Variants in CD69 observed in about 807,000 individuals in gnomAD.
The protein encoded by CD69 is CD69 molecule.
In CD69, 10 loss-of-function variants were observed where a neutral mutation model predicts 21.4. That is an observed-to-expected ratio of 0.47 (90% CI 0.29 to 0.79). The LOEUF (loss-of-function observed/expected upper bound fraction) is 0.79, where lower values mean the gene tolerates loss of function less well. CD69 is among the 30% of genes least tolerant of loss of function. CD69 has a pLI of 0.09. For missense variants in CD69, 204 were observed against 236.9 expected, an observed-to-expected ratio of 0.86 and a Z score of 0.91; for synonymous variants, 63 against 78.2, an observed-to-expected ratio of 0.81 and a Z score of 1.03.
chr12:9,756,427 G>A lies in CD69; in HGVS notation c.65-8C>T. ...GGGGACTGGTGGCATCATCTGGAAG[G>A]GAGAAAGTTGATGATGAGTTCAGGC... On this transcript the variant is annotated splice_region_variant and splice_polypyrimidine_tract_variant and intron_variant, in intron 1 of 4. Transcript: ENST00000228434. 1.2e-6 allele frequency: 2 copies of A among 1,611,556 alleles called. No homozygotes were observed. The highest frequency in any genetic ancestry group is 1.7e-6 in the Non-Finnish European group (2 of 1,178,508).
At chr12:9,755,020 A>G (rs758525843) in intron 3 of CD69, 42 bp downstream of exon 3, 20 of 1,493,378 alleles carry the variant, frequency 1.3e-5, no homozygotes, top group East Asian at 9.0e-5. Context: ...GATTAGCCAT[A>G]TGAATTAAAA....
Position 9,756,428 on chromosome 12 carries a change from G to C in CD69, c.65-9C>G, listed in dbSNP as rs1866680063. ...GGGACTGGTGGCATCATCTGGAAGG[G>C]AGAAAGTTGATGATGAGTTCAGGCA... is the stretch of plus-strand genomic sequence containing the variant. On this transcript the variant is annotated splice_polypyrimidine_tract_variant and intron_variant, in intron 1 of 4. Coordinates refer to ENST00000228434, the MANE Select transcript of CD69 (RefSeq NM_001781.2). 5 of 1,611,590 alleles carry C rather than the reference G, an allele frequency of 3.1e-6. No homozygotes were observed. In the South Asian group the frequency reaches 3.3e-5, roughly 11 times the overall value.
intron 1 of CD69, 24 bp from the exon 2 acceptor site, chr12:9,756,443 G>GTACTTTCTAA (rs1240628749): frequency 1.2e-6 from 2 of 1,607,068 alleles, no homozygotes; most frequent in Non-Finnish European, 1.7e-6. Context: ...AGTTGATGAT[G>GTACTTTCTAA]AGTTCAGGCA....
intron 1 of CD69, among the ~76,000 whole-genome samples, chr12:9,760,366 TG>T (rs746617367): frequency 2.8e-4 from 42 of 152,212 alleles, no homozygotes; most frequent in Admixed American, 5.2e-4. Context: ...CAGATGGATA[TG>T]AAAAAAATGA....
At chr12:9,757,538 A>C (rs1866689085) in intron 1 of CD69, among the ~76,000 whole-genome samples, 1 of 152,220 alleles carries the variant, frequency 6.6e-6, no homozygotes, top group Non-Finnish European at 1.5e-5. Context: ...TAAGTGAACA[A>C]ATTATGGTAT....
At chr12:9,755,359 A>T in intron 2 of CD69, 98 bp from the exon 3 acceptor site, 1 of 978,682 alleles carries the variant, frequency 1.0e-6, no homozygotes, top group Non-Finnish European at 1.6e-6. Context: ...CTAGGTGGTG[A>T]TAAAGTAAAG....
intron 1 of CD69, among the ~76,000 whole-genome samples, chr12:9,756,883 A>G (rs953507712): frequency 2.0e-5 from 3 of 152,174 alleles, no homozygotes; most frequent in Non-Finnish European, 4.4e-5. Flanking sequence ...GTTCAAGACC[A>G]TCATGAGCAA....
intron 4 of CD69, 78 bp from the exon 5 acceptor site, chr12:9,753,667 T>A (rs988813749): frequency 1.7e-6 from 1 of 604,586 alleles, no homozygotes; most frequent in African/African-American, 1.9e-5. Context: ...AACTCGGAGA[T>A]GGTGACCTCT....
chr12:9,759,451 C>A (rs1866712386), intron 1 of CD69, among the ~76,000 whole-genome samples: 1 of 151,276 alleles, frequency 6.6e-6, no homozygotes, highest in Non-Finnish European at 1.5e-5. Flanking sequence ...GTATTAGGTC[C>A]TTCTTTCACC....
At chr12:9,756,064 C>T (rs1281950491) in intron 2 of CD69, 4 of 262,728 alleles carry the variant, frequency 1.5e-5, no homozygotes, top group Non-Finnish European at 2.8e-5. Flanking sequence ...TTTTATTCTA[C>T]AGTAATATAT....
chr12:9,760,714 A>G (rs748963776), intron 1 of CD69, 43 bp downstream of exon 1: 1 of 1,372,618 alleles, frequency 7.3e-7, no homozygotes, highest in Non-Finnish European at 1.0e-6. Flanking sequence ...AATGTCATAT[A>G]TAGAGATACC....
chr12:9,754,879 T>C (rs1041577418), intron 3 of CD69, 183 bp downstream of exon 3: 1 of 682,122 alleles, frequency 1.5e-6, no homozygotes, highest in Middle Eastern at 4.0e-4. Flanking sequence ...ATTTAAAAGA[T>C]TAAATTAAAT....
At position 9,754,588 on chromosome 12, in the gene CD69, A is replaced by G. The variant is rs774397998; in HGVS notation, c.490T>C (p.Trp164Arg). 4 of 1,572,916 alleles carry G rather than the reference A, an allele frequency of 2.5e-6. No individual in the cohort carries two copies. The East Asian group carries it at 6.7e-5, about 26-fold the overall frequency. ...KWSNGKEFNN[W>R]FNVTGSDKCV... ...ATAAAGAGACTTCTGGAGACTTACC[A>G]GTTGTTAAATTCTTTGCCATTTGAC... Residue 164 changes from tryptophan to arginine, a missense_variant and splice_region_variant, in exon 4 of 5, where the codon TGG (tryptophan) becomes CGG (arginine). Transcript: ENST00000228434.
At chr12:9,754,756 T>C in intron 3 of CD69, 66 bp from the exon 4 acceptor site, 1 of 1,052,846 alleles carries the variant, frequency 9.5e-7, no homozygotes, top group Non-Finnish European at 1.5e-6. Flanking sequence ...TAGTAAATCC[T>C]GTTTCTCAAA....
intron 2 of CD69, 87 bp from the exon 3 acceptor site, chr12:9,755,348 G>T: frequency 2.8e-6 from 3 of 1,059,134 alleles, no homozygotes; most frequent in Non-Finnish European, 4.3e-6. Context: ...GCTATGTTGT[G>T]CTAGGTGGTG....
At chr12:9,756,497 A>AT (rs1866680687) in intron 1 of CD69, 78 bp from the exon 2 acceptor site, 1 of 1,172,858 alleles carries the variant, frequency 8.5e-7, no homozygotes, top group Non-Finnish European at 1.2e-6. Flanking sequence ...CTTTTGAGGC[A>AT]TTTAAACTTA....
At chr12:9,757,952 T>G (rs1866695316) in intron 1 of CD69, among the ~76,000 whole-genome samples, 1 of 152,162 alleles carries the variant, frequency 6.6e-6, no homozygotes. Flanking sequence ...AAATTTGAAT[T>G]TTTCAAAAGA....
chr12:9,753,641 C>A, intron 4 of CD69, 52 bp from the exon 5 acceptor site: 2 of 836,822 alleles, frequency 2.4e-6, no homozygotes, highest in East Asian at 2.7e-5. Context: ...TGTTTTCATT[C>A]AGTTACATGA....
In CD69 at chr12:9,756,340, C is replaced by T; in HGVS notation, c.144G>A (p.Val48=). 2 of 1,613,226 alleles carry T rather than the reference C, an allele frequency of 1.2e-6. No individual in the cohort carries two copies. Among genetic ancestry groups the T allele is most frequent in the Non-Finnish European group, 1.7e-6 (2 of 1,179,336 alleles). ...QVPVLCAVMN[V]VFITILIIAL... is the part of the protein sequence containing the mutation. ...CTATGATTAAAATGGTGATGAAGACCACATTCATTACAGCACACAGGACAG... is the reference window on the plus strand; with the variant it reads ...CTATGATTAAAATGGTGATGAAGACTACATTCATTACAGCACACAGGACAG... The change falls in exon 2 of 5, where the codon GTG becomes GTA. Residue 48 remains valine, a synonymous_variant. Coordinates refer to ENST00000228434, the MANE Select transcript of CD69 (RefSeq NM_001781.2).
Sources: allele counts gnomAD v4.1 joint callset (sites outside exome capture counted in the v4.1 genomes callset), GRCh38; gene constraint gnomAD v4.1.1; transcripts MANE v1.5; gene names NCBI Gene and HGNC (gene_info 2026-07-23, HGNC 2026-07-21).